Variants in KRAS observed in about 807,000 individuals in gnomAD.
The protein encoded by KRAS is GTPase KRas.
Under a neutral mutation model 21.0 loss-of-function variants are expected in KRAS, and 1 was observed. The ratio of observed to expected loss-of-function variants is 0.05; its 90% CI spans 0.02 to 0.23. The LOEUF (loss-of-function observed/expected upper bound fraction) is 0.23, where lower values mean the gene tolerates loss of function less well. Ranked by LOEUF, KRAS falls within the 10% of genes least tolerant of loss-of-function variation. The pLI, the probability that KRAS is intolerant of heterozygous loss-of-function variation, is 1.00. For missense variants in KRAS, 107 were observed against 221.8 expected (o/e 0.48, Z 3.29); for synonymous variants, 67 against 72.5 (o/e 0.92, Z 0.39).
Position 25,209,641 on chromosome 12 carries a change from T to C in KRAS, c.*154A>G, listed in dbSNP as rs1439866701. The C allele has an allele frequency of 1.5e-6, 2 of 1,366,816 alleles. No individual in the cohort carries two copies. The highest frequency in any genetic ancestry group is 1.9e-6 in the Non-Finnish European group (2 of 1,059,336). The allele number at this position is 1,366,816 out of a possible 1,614,324, so 84.7% of individuals were successfully genotyped here. On this transcript the variant is annotated 3_prime_UTR_variant, in exon 5 of 5. Transcript: ENST00000311936. Reference sequence around the variant, plus strand: ...TTAGAGGAAAAAAAAACTTCCACTGTCATTTTAAAATAAGCATTTAAGGTA... The same window carrying C: ...TTAGAGGAAAAAAAAACTTCCACTGCCATTTTAAAATAAGCATTTAAGGTA...
intron 4 of KRAS, among the ~76,000 whole-genome samples, chr12:25,216,554 A>G (rs563290512): frequency 1.1e-4 from 17 of 152,196 alleles, no homozygotes; most frequent in Admixed American, 2.0e-4. Context: ...GATTACAGCC[A>G]TGAGCCACCA....
chr12:25,225,291 TATATATATATATATATA>T lies in KRAS; in HGVS notation c.450+306_450+322del, dbSNP rs1565883960. On this transcript the variant is annotated intron_variant, in intron 4 of 4. Transcript: ENST00000311936. ...AAAATTTGTTGCCCTGTTCTTTATA[TATATATATATATATATA>T]TATATATATATATATATATATATAT... The T allele has an allele frequency of 0.061, 8,350 of 136,978 alleles. 803 individuals are homozygous for T. The highest frequency in any genetic ancestry group is 0.072 in the Non-Finnish European group (4,589 of 63,946). 8.5% of individuals were successfully genotyped at this position (136,978 alleles called of 1,614,324 possible).
At chr12:25,226,707 A>G (rs1951397469) in intron 3 of KRAS, among the ~76,000 whole-genome samples, 1 of 152,228 alleles carries the variant, frequency 6.6e-6, no homozygotes, top group Non-Finnish European at 1.5e-5. Context: ...AAATAGTATA[A>G]TAATGATTAT....
intron 1 of KRAS, among the ~76,000 whole-genome samples, chr12:25,248,163 T>C (rs1951709698): frequency 6.6e-6 from 1 of 151,902 alleles, no homozygotes; most frequent in Non-Finnish European, 1.5e-5. Flanking sequence ...GCCCGGCCCC[T>C]TCGATAATTT....
At chr12:25,223,096 A>C (rs2141501014) in intron 4 of KRAS, among the ~76,000 whole-genome samples, 1 of 152,322 alleles carries the variant, frequency 6.6e-6, no homozygotes, top group East Asian at 1.9e-4. Context: ...AAATATAAGA[A>C]GCACTTCTTT....
At chr12:25,244,338 T>C (rs1284974535) in intron 2 of KRAS, among the ~76,000 whole-genome samples, 1 of 152,176 alleles carries the variant, frequency 6.6e-6, no homozygotes, top group Non-Finnish European at 1.5e-5. Context: ...AATCTAACAA[T>C]ATAGGGCTAT....
chr12:25,230,177 T>C (rs755820561), intron 2 of KRAS, among the ~76,000 whole-genome samples: 3 of 152,226 alleles, frequency 2.0e-5, no homozygotes, highest in Non-Finnish European at 1.5e-5. Context: ...TATTTCAAAA[T>C]GTTTACAGTA....
chr12:25,212,581 TA>T (rs965712606), intron 4 of KRAS, among the ~76,000 whole-genome samples: 60 of 151,252 alleles, frequency 4.0e-4, no homozygotes, highest in South Asian at 1.5e-3. Context: ...AAATAAGTAA[TA>T]AAAAAAAATT....
At chr12:25,223,286 A>G (rs2141501340) in intron 4 of KRAS, among the ~76,000 whole-genome samples, 1 of 152,302 alleles carries the variant, frequency 6.6e-6, no homozygotes, top group African/African-American at 2.4e-5. Flanking sequence ...ATAAAACTCA[A>G]TTTTGTATTT....
intron 2 of KRAS, chr12:25,234,171 C>T (rs1424198985): frequency 5.9e-6 from 1 of 169,480 alleles, no homozygotes; most frequent in Non-Finnish European, 1.3e-5. Flanking sequence ...ATAAATTTTA[C>T]CTTCAATTAA....
chr12:25,243,070 T>C (rs1951630902), intron 2 of KRAS, among the ~76,000 whole-genome samples: 1 of 152,200 alleles, frequency 6.6e-6, no homozygotes, highest in African/African-American at 2.4e-5. Context: ...CCTTTCTAAT[T>C]TTCTCTCTGA....
intron 4 of KRAS, among the ~76,000 whole-genome samples, chr12:25,214,668 G>A (rs1951234478): frequency 6.6e-6 from 1 of 152,066 alleles, no homozygotes; most frequent in Admixed American, 6.6e-5. Context: ...GATTACAGGC[G>A]TGAGCCACCG....
At chr12:25,243,277 A>T (rs544988878) in intron 2 of KRAS, among the ~76,000 whole-genome samples, 10 of 152,212 alleles carry the variant, frequency 6.6e-5, no homozygotes, top group Admixed American at 6.5e-4. Flanking sequence ...TCCCTCAGAG[A>T]CTCACTGTAA....
chr12:25,216,543 G>A (rs1188981057), intron 4 of KRAS, among the ~76,000 whole-genome samples: 2 of 152,082 alleles, frequency 1.3e-5, no homozygotes, highest in Admixed American at 6.6e-5. Flanking sequence ...CTAAGGGCTG[G>A]GATTACAGCC....
At chr12:25,231,027 G>A (rs1332241195) in intron 2 of KRAS, among the ~76,000 whole-genome samples, 3 of 151,378 alleles carry the variant, frequency 2.0e-5, no homozygotes, top group African/African-American at 7.3e-5. Context: ...CATTACCCAG[G>A]CATGGCTACA....
chr12:25,208,612 A>C lies in KRAS; in HGVS notation c.*1183T>G. The C allele has an allele frequency of 4.3e-6, 1 of 233,280 alleles. No homozygotes were observed. Among genetic ancestry groups the C allele is most frequent in the Non-Finnish European group, 8.5e-6 (1 of 117,814 alleles). The allele number at this position is 233,280 out of a possible 1,614,324, so 14.5% of individuals were successfully genotyped here. ...AGAGTTTGTTTTCTTAAGAAACAAA[A>C]GCAATGCTCTTGATTTGTCAGCAGG... On this transcript the variant is annotated 3_prime_UTR_variant, in exon 5 of 5. Coordinates refer to ENST00000311936, the MANE Select transcript of KRAS (RefSeq NM_004985.5).
At chr12:25,248,553 A>G (rs1038203821) in intron 1 of KRAS, among the ~76,000 whole-genome samples, 1 of 151,918 alleles carries the variant, frequency 6.6e-6, no homozygotes, top group African/African-American at 2.4e-5. Context: ...ATATATATGA[A>G]TTCAGAGCCA....
Position 25,209,446 on chromosome 12 carries a change from G to A in KRAS, c.*349C>T, listed in dbSNP as rs1951179977. On this transcript the variant is annotated 3_prime_UTR_variant, in exon 5 of 5. Coordinates refer to ENST00000311936, the MANE Select transcript of KRAS (RefSeq NM_004985.5). The stretch of plus-strand genomic sequence containing the variant: ...ACTAGATAAAACACAGAATAGGGAT[G>A]ATTCAAAAGCTTCATTAATTTGTTT... The A allele has an allele frequency of 1.8e-6, 2 of 1,111,890 alleles. No individual in the cohort carries two copies. Among genetic ancestry groups the A allele is most frequent in the Non-Finnish European group, 2.4e-6 (2 of 850,826 alleles). The allele number at this position is 1,111,890 out of a possible 1,614,324, so 68.9% of individuals were successfully genotyped here.
intron 2 of KRAS, among the ~76,000 whole-genome samples, chr12:25,236,312 T>G (rs544841552): frequency 3.3e-5 from 5 of 152,064 alleles, no homozygotes; most frequent in Admixed American, 3.3e-4. Flanking sequence ...AGGGACAAAA[T>G]GTTTTGGCCC....
Sources: allele counts gnomAD v4.1 joint callset (sites outside exome capture counted in the v4.1 genomes callset), GRCh38; gene constraint gnomAD v4.1.1; transcripts MANE v1.5; gene names NCBI Gene and HGNC (gene_info 2026-07-23, HGNC 2026-07-21).